Variants in GFOD2 observed in about 807,000 individuals in gnomAD.
GFOD2 encodes the protein Gfo/Idh/MocA-like oxidoreductase domain containing 2, also known as glucose-fructose oxidoreductase domain-containing protein 2.
GFOD2 carries 9 observed loss-of-function variants against 24.6 expected under a neutral mutation model. The observed-to-expected ratio is 0.37, with a 90% CI of 0.22 to 0.64. The LOEUF is 0.64. GFOD2 is among the 30% of genes least tolerant of loss of function. The probability of loss-of-function intolerance (pLI) is 0.65; values close to 1 mark genes in which losing one functional copy is unlikely to be tolerated. For synonymous variants in GFOD2, 211 were observed against 224.8 expected, an observed-to-expected ratio of 0.94 and a Z score of 0.55; for missense variants, 476 against 532.5, an observed-to-expected ratio of 0.89 and a Z score of 1.04.
chr16:67,711,402 C>A (rs1190486066), intron 1 of GFOD2, among the ~76,000 whole-genome samples: 1 of 152,182 alleles, frequency 6.6e-6, no homozygotes, highest in East Asian at 1.9e-4. Context: ...CTGACCACTT[C>A]TCGGTTCCTT....
In GFOD2 at chr16:67,682,664, G is replaced by A. The variant is rs183717753; in HGVS notation, c.259+2793C>T. On this transcript the variant is annotated intron_variant, in intron 2 of 2. Transcript: ENST00000268797. ...AAAAGTATTATCTCTGGAAGGTTAA[G>A]TCCAATCATTAATTTTAGGAAAAAC... 1.1e-4 allele frequency: 109 copies of A among 985,270 alleles called. No homozygotes were observed. In the East Asian group the frequency reaches 0.011, roughly 99 times the overall value. 61.0% of individuals were successfully genotyped at this position (985,270 alleles called of 1,614,324 possible). A position where few individuals can be genotyped will look rare whatever the true frequency, so the allele number is the denominator to read the frequency against.
intron 1 of GFOD2, among the ~76,000 whole-genome samples, chr16:67,708,028 G>C (rs1296126043): frequency 6.6e-6 from 1 of 152,148 alleles, no homozygotes; most frequent in Non-Finnish European, 1.5e-5. Flanking sequence ...ACAGAAAGAG[G>C]CACAAGGCTA....
chr16:67,711,289 T>C (rs2142997581), intron 1 of GFOD2, among the ~76,000 whole-genome samples: 1 of 152,292 alleles, frequency 6.6e-6, no homozygotes, highest in Middle Eastern at 3.4e-3. Flanking sequence ...TCATCCCACT[T>C]TGACCTATCA....
At chr16:67,692,809 G>A (rs2053324848) in intron 1 of GFOD2, among the ~76,000 whole-genome samples, 1 of 150,872 alleles carries the variant, frequency 6.6e-6, no homozygotes, top group African/African-American at 2.4e-5. Context: ...GGCGAATCAC[G>A]AGGTCAGGAG....
intron 2 of GFOD2, chr16:67,683,570 C>T (rs1334004777): frequency 1.9e-5 from 24 of 1,231,658 alleles, no homozygotes; most frequent in Non-Finnish European, 2.4e-5. Flanking sequence ...GTCACACATC[C>T]TCAGAGAGAG....
intron 2 of GFOD2, chr16:67,682,918 G>T (rs1166653091): frequency 4.3e-5 from 31 of 729,304 alleles, no homozygotes; most frequent in Non-Finnish European, 4.7e-5. Context: ...CAGATAGCTG[G>T]ATCCCAGAGA....
chr16:67,677,056 C>T (rs2053189273), intron 2 of GFOD2: 1 of 152,100 alleles, frequency 6.6e-6, no homozygotes, highest in African/African-American at 2.4e-5. Flanking sequence ...CAGAAGTTTA[C>T]AAGTCATAGT....
intron 1 of GFOD2, among the ~76,000 whole-genome samples, chr16:67,687,981 A>G (rs1387599199): frequency 6.6e-6 from 1 of 152,200 alleles, no homozygotes. Context: ...GTCTCAAGAA[A>G]GGAAAAAAGG....
chr16:67,684,413 A>T (rs2142993523), intron 2 of GFOD2: 1 of 149,894 alleles, frequency 6.7e-6, no homozygotes, highest in East Asian at 2.0e-4. Flanking sequence ...TTTTAAAAAA[A>T]TGCTGGGCAT....
In GFOD2 at chr16:67,683,436, G is replaced by C. The variant is rs766622657; in HGVS notation, c.259+2021C>G. 2.4e-6 allele frequency: 3 copies of C among 1,230,098 alleles called. No homozygotes were observed. In the Admixed American group the frequency reaches 1.3e-4, roughly 52 times the overall value. The allele number at this position is 1,230,098 out of a possible 1,614,324, so 76.2% of individuals were successfully genotyped here. On this transcript the variant is annotated intron_variant, in intron 2 of 2. Coordinates refer to ENST00000268797, the MANE Select transcript of GFOD2 (RefSeq NM_030819.4). ...GGCAAGGAGTCAAGTGACCAATAGC[G>C]GCTTGCTTCCCCTTGAACCAACTTG...
At chr16:67,682,426 C>A (rs2053233770) in intron 2 of GFOD2, 10 of 985,266 alleles carry the variant, frequency 1.0e-5, no homozygotes, top group Non-Finnish European at 1.1e-5. Context: ...AGAAAACATT[C>A]AACTGTGGCA....
chr16:67,678,500 A>G, intron 2 of GFOD2, among the ~76,000 whole-genome samples: 1 of 151,998 alleles, frequency 6.6e-6, no homozygotes, highest in East Asian at 1.9e-4. Context: ...AAAAAGAAAA[A>G]GAAAAAGAAA....
chr16:67,703,201 C>T (rs1201380523), intron 1 of GFOD2, among the ~76,000 whole-genome samples: 1 of 151,932 alleles, frequency 6.6e-6, no homozygotes, highest in Non-Finnish European at 1.5e-5. Context: ...GTTGGGAGTT[C>T]CAGACCAGCC....
At chr16:67,688,882 C>G (rs770738045) in intron 1 of GFOD2, among the ~76,000 whole-genome samples, 1 of 150,920 alleles carries the variant, frequency 6.6e-6, no homozygotes, top group Admixed American at 6.6e-5. Context: ...CTACAGACGC[C>G]CCCCCACCAT....
In GFOD2 at chr16:67,698,427, C is replaced by A. The variant is rs186759499; in HGVS notation, c.-87-12625G>T. Among the ~76,000 whole-genome samples, 75 of 152,310 alleles carry A rather than the reference C, an allele frequency of 4.9e-4. 1 individual carries two copies. The highest frequency in any genetic ancestry group is 6.8e-4 in the Non-Finnish European group (46 of 68,034). On this transcript the variant is annotated intron_variant, in intron 1 of 2. Transcript: ENST00000268797. Reference sequence around the variant, plus strand: ...AACCCTTTGAGTACACTGACTGTTTCCTGTCTAGACCTTGACTAATGCAGG... The same window carrying A: ...AACCCTTTGAGTACACTGACTGTTTACTGTCTAGACCTTGACTAATGCAGG...
At chr16:67,704,749 T>C (rs547311930) in intron 1 of GFOD2, among the ~76,000 whole-genome samples, 1 of 152,312 alleles carries the variant, frequency 6.6e-6, no homozygotes, top group East Asian at 1.9e-4. Flanking sequence ...CCTTAATAAA[T>C]GTTAGATGAT....
intron 2 of GFOD2, chr16:67,682,881 G>A: frequency 1.0e-6 from 1 of 962,092 alleles, no homozygotes; most frequent in Non-Finnish European, 1.2e-6. Context: ...ATGTCCACCA[G>A]AGTCACCTGC....
intron 1 of GFOD2, among the ~76,000 whole-genome samples, chr16:67,716,169 T>A (rs2053504848): frequency 6.6e-6 from 1 of 152,226 alleles, no homozygotes; most frequent in Non-Finnish European, 1.5e-5. Context: ...TGCATCCCCA[T>A]TCCATTTCTC....
intron 1 of GFOD2, among the ~76,000 whole-genome samples, chr16:67,697,919 A>G (rs931575695): frequency 6.6e-6 from 1 of 152,170 alleles, no homozygotes; most frequent in Non-Finnish European, 1.5e-5. Context: ...CTGGTGGCGT[A>G]AAGTGTTAAT....
Sources: allele counts gnomAD v4.1 joint callset (sites outside exome capture counted in the v4.1 genomes callset), GRCh38; gene constraint gnomAD v4.1.1; transcripts MANE v1.5; gene names NCBI Gene and HGNC (gene_info 2026-07-23, HGNC 2026-07-21).